The following TOX variants were observed in gnomAD, a reference collection of about 807,000 sequenced individuals.
TOX encodes thymocyte selection associated high mobility group box.
Under a neutral mutation model 53.7 loss-of-function variants are expected in TOX, and 11 were observed. That is an observed-to-expected ratio of 0.20 (90% CI 0.13 to 0.34). The LOEUF (loss-of-function observed/expected upper bound fraction) is 0.34, where lower values mean the gene tolerates loss of function less well. TOX is among the 10% of genes least tolerant of loss of function. The probability of loss-of-function intolerance (pLI) is 1.00; values close to 1 mark genes in which losing one functional copy is unlikely to be tolerated. For missense variants in TOX, 570 were observed against 664.6 expected (o/e 0.86, Z 1.56); for synonymous variants, 225 against 245.3 (o/e 0.92, Z 0.77).
chr8:59,110,303 TTA>T (rs1491044110), intron 1 of TOX, among the ~76,000 whole-genome samples: 1 of 152,190 alleles, frequency 6.6e-6, no homozygotes, highest in Non-Finnish European at 1.5e-5. Flanking sequence ...TCCTGCCTCT[TTA>T]TTATTAACAT....
At chr8:59,067,662 C>G (rs1306933623) in intron 1 of TOX, among the ~76,000 whole-genome samples, 1 of 151,884 alleles carries the variant, frequency 6.6e-6, no homozygotes, top group African/African-American at 2.4e-5. Context: ...TCGTAAATGG[C>G]AGAGATAGGA....
At chr8:59,033,006 C>G (rs1251901909) in intron 1 of TOX, among the ~76,000 whole-genome samples, 1 of 150,784 alleles carries the variant, frequency 6.6e-6, no homozygotes, top group East Asian at 1.9e-4. Flanking sequence ...TGCACTCCAT[C>G]CTGGGCCACA....
intron 1 of TOX, among the ~76,000 whole-genome samples, chr8:59,068,661 C>A (rs967336176): frequency 2.0e-5 from 3 of 151,988 alleles, no homozygotes; most frequent in Admixed American, 2.0e-4. Flanking sequence ...AATATTATAC[C>A]CATTTTAATG....
At chr8:58,821,149 C>T (rs1810268373) in intron 6 of TOX, among the ~76,000 whole-genome samples, 1 of 151,978 alleles carries the variant, frequency 6.6e-6, no homozygotes, top group South Asian at 2.1e-4. Flanking sequence ...ATATCTAGAT[C>T]ATATCTTTAT....
At chr8:59,096,883 G>T (rs1305603919) in intron 1 of TOX, among the ~76,000 whole-genome samples, 1 of 152,184 alleles carries the variant, frequency 6.6e-6, no homozygotes, top group Non-Finnish European at 1.5e-5. Context: ...AAATCTACAG[G>T]CATCTTGGGT....
chr8:58,956,160 G>C lies in TOX; in HGVS notation c.168+3783C>G, dbSNP rs987666006. On this transcript the variant is annotated intron_variant, in intron 2 of 8. Transcript: ENST00000361421. ...TAGAAAGTTCTGAAGAAGAGAACTA[G>C]ACTTCTGCTTCTTTTGACGTATTTA... Among the ~76,000 whole-genome samples, 5 of 152,336 alleles carry C rather than the reference G, an allele frequency of 3.3e-5. No homozygotes were observed. In the East Asian group the frequency reaches 9.6e-4, roughly 29 times the overall value.
chr8:58,827,363 C>A (rs778106363), intron 5 of TOX, among the ~76,000 whole-genome samples: 10 of 152,044 alleles, frequency 6.6e-5, no homozygotes, highest in Non-Finnish European at 8.8e-5. Context: ...GTTCAATAAG[C>A]AAATCAAAGG....
intron 7 of TOX, among the ~76,000 whole-genome samples, chr8:58,808,763 A>G (rs1585835958): frequency 6.6e-6 from 1 of 152,354 alleles, no homozygotes; most frequent in Non-Finnish European, 1.5e-5. Context: ...TCAGTCACAA[A>G]GGGACCATCT....
intron 1 of TOX, among the ~76,000 whole-genome samples, chr8:59,081,126 A>C (rs2129423165): frequency 6.6e-6 from 1 of 152,264 alleles, no homozygotes; most frequent in South Asian, 2.1e-4. Context: ...TCCTGGGTTC[A>C]AGTGATTCTC....
chr8:58,885,261 G>C (rs545361880), intron 3 of TOX, among the ~76,000 whole-genome samples: 4 of 151,936 alleles, frequency 2.6e-5, no homozygotes, highest in South Asian at 4.2e-4. Flanking sequence ...CATAATTACT[G>C]GTACCTTATT....
intron 3 of TOX, among the ~76,000 whole-genome samples, chr8:58,858,499 G>A (rs952164412): frequency 1.3e-5 from 2 of 152,236 alleles, no homozygotes; most frequent in Non-Finnish European, 2.9e-5. Context: ...TGCACAGAGC[G>A]CTGGAACATG....
At chr8:59,052,273 T>C (rs1349300133) in intron 1 of TOX, among the ~76,000 whole-genome samples, 2 of 152,212 alleles carry the variant, frequency 1.3e-5, no homozygotes, top group African/African-American at 2.4e-5. Context: ...AAAGTGTTTT[T>C]TCACATATTG....
At chr8:58,889,425 G>A (rs570258972) in intron 3 of TOX, among the ~76,000 whole-genome samples, 109 of 152,048 alleles carry the variant, frequency 7.2e-4, no homozygotes, top group African/African-American at 2.5e-3. Context: ...CAGGGTTAGG[G>A]GAGGATGGAA....
intron 3 of TOX, among the ~76,000 whole-genome samples, chr8:58,892,827 C>T (rs1468866009): frequency 6.6e-6 from 1 of 152,152 alleles, no homozygotes; most frequent in African/African-American, 2.4e-5. Context: ...ACTTCATCTA[C>T]CTGCTCCCCC....
chr8:59,026,901 G>GAAAAA (rs58806202), intron 1 of TOX, among the ~76,000 whole-genome samples: 214 of 136,142 alleles, frequency 1.6e-3, no homozygotes, highest in African/African-American at 5.5e-3. Context: ...AGAGAGAAAG[G>GAAAAA]AAAAAAAAAA....
chr8:59,067,767 C>G (rs1467121870), intron 1 of TOX, among the ~76,000 whole-genome samples: 2 of 151,798 alleles, frequency 1.3e-5, no homozygotes, highest in Admixed American at 6.6e-5. Flanking sequence ...ACAACTGGGT[C>G]ACGAGGTTAA....
At chr8:58,849,247 A>G (rs917636986) in intron 4 of TOX, among the ~76,000 whole-genome samples, 7 of 152,190 alleles carry the variant, frequency 4.6e-5, no homozygotes, top group African/African-American at 1.7e-4. Context: ...AAATACACTT[A>G]AACTTAACAT....
At chr8:58,844,277 G>T (rs1563368092) in intron 4 of TOX, among the ~76,000 whole-genome samples, 1 of 152,094 alleles carries the variant, frequency 6.6e-6, no homozygotes, top group Non-Finnish European at 1.5e-5. Context: ...CTGAGCAATT[G>T]AATTTCTAAA....
intron 3 of TOX, among the ~76,000 whole-genome samples, chr8:58,858,136 T>C (rs1484874658): frequency 6.6e-6 from 1 of 152,106 alleles, no homozygotes; most frequent in Non-Finnish European, 1.5e-5. Context: ...TTATTATTTT[T>C]AAAAAATGAG....
Sources: allele counts gnomAD v4.1 joint callset (sites outside exome capture counted in the v4.1 genomes callset), GRCh38; gene constraint gnomAD v4.1.1; transcripts MANE v1.5; gene names NCBI Gene and HGNC (gene_info 2026-07-23, HGNC 2026-07-21).